Variants in PIK3R3 observed in about 807,000 individuals in gnomAD.
PIK3R3 encodes the protein phosphatidylinositol 3-kinase regulatory subunit gamma.
Under a neutral mutation model 62.9 loss-of-function variants are expected in PIK3R3, and 64 were observed. The observed-to-expected ratio is 1.02, with a 90% CI of 0.83 to 1.25. The LOEUF (loss-of-function observed/expected upper bound fraction) is 1.25. Among genes scored for constraint, PIK3R3 ranks in the 50% most tolerant of loss-of-function variants. The pLI, the probability that PIK3R3 is intolerant of heterozygous loss-of-function variation, is 0.00. For synonymous variants in PIK3R3, 165 were observed against 189.0 expected (o/e 0.87, Z 1.04); for missense variants, 614 against 561.6 (o/e 1.09, Z -0.94).
chr1:46,141,669 G>C, the PIK3R3 span, among the ~76,000 whole-genome samples: 1 of 152,176 alleles, frequency 6.6e-6, no homozygotes, highest in African/African-American at 2.4e-5. Context: ...TAAATATAGT[G>C]CTCAAACCTA....
chr1:46,160,142 A>G, the PIK3R3 span, among the ~76,000 whole-genome samples: 2 of 152,258 alleles, frequency 1.3e-5, no homozygotes, highest in East Asian at 3.9e-4. Flanking sequence ...CATGGGGATA[A>G]TTTATTTAGT....
At chr1:46,093,109 C>A (rs1651795938) in intron 1 of PIK3R3, among the ~76,000 whole-genome samples, 2 of 152,170 alleles carry the variant, frequency 1.3e-5, no homozygotes, top group South Asian at 4.1e-4. Context: ...CCTGAACCAG[C>A]CCTAAGTAAC....
intron 5 of PIK3R3, among the ~76,000 whole-genome samples, chr1:46,064,539 T>A (rs2149394649): frequency 6.6e-6 from 1 of 152,274 alleles, no homozygotes; most frequent in East Asian, 1.9e-4. Flanking sequence ...AGATTCTGTC[T>A]CATAAAAATA....
the PIK3R3 span, among the ~76,000 whole-genome samples, chr1:46,170,457 G>C: frequency 6.6e-6 from 1 of 152,034 alleles, no homozygotes; most frequent in Non-Finnish European, 1.5e-5. Flanking sequence ...TCTAGCTCTC[G>C]TCCCCCAGGC....
chr1:46,158,555 C>T, the PIK3R3 span, among the ~76,000 whole-genome samples: 1 of 152,340 alleles, frequency 6.6e-6, no homozygotes, highest in East Asian at 1.9e-4. Flanking sequence ...ACAGTGGCTA[C>T]TAATGTACAG....
intron 1 of PIK3R3, among the ~76,000 whole-genome samples, chr1:46,087,718 G>A (rs1450286018): frequency 6.6e-6 from 1 of 151,124 alleles, no homozygotes; most frequent in Non-Finnish European, 1.5e-5. Flanking sequence ...ACAGGTGTGA[G>A]CCACTGCACC....
In PIK3R3 at chr1:46,132,578, G is replaced by A. The variant is rs1430522435; in HGVS notation, c.-626C>T. Reference sequence around the variant, plus strand: ...CAGCTCGGCTTGTCTGGGCGCTCCCGCCGGGGTGTAAGAACCAACCCGACC... The same window carrying A: ...CAGCTCGGCTTGTCTGGGCGCTCCCACCGGGGTGTAAGAACCAACCCGACC... On this transcript the variant is annotated 5_prime_UTR_variant, in exon 1 of 10. Coordinates refer to ENST00000262741, the MANE Select transcript of PIK3R3 (RefSeq NM_003629.4). The A allele has an allele frequency of 4.6e-5, 59 of 1,285,684 alleles. No individual in the cohort carries two copies. The South Asian group carries it at 6.6e-4, about 14-fold the overall frequency. The allele number at this position is 1,285,684 out of a possible 1,614,324, so 79.6% of individuals were successfully genotyped here. A position where few individuals can be genotyped will look rare whatever the true frequency, so the allele number is the denominator to read the frequency against.
At chr1:46,145,908 G>C in the PIK3R3 span, among the ~76,000 whole-genome samples, 1 of 152,142 alleles carries the variant, frequency 6.6e-6, no homozygotes, top group Non-Finnish European at 1.5e-5. Flanking sequence ...CAGGACTCAG[G>C]ATACTAAGCA....
chr1:46,079,095 T>C (rs569137090), intron 2 of PIK3R3, among the ~76,000 whole-genome samples: 1 of 94,450 alleles, frequency 1.1e-5, no homozygotes, highest in Non-Finnish European at 2.4e-5. Flanking sequence ...ATAGTTGAAA[T>C]CGTAAGGGTA....
chr1:46,046,522 T>C (rs1391912747), intron 8 of PIK3R3, 29 bp downstream of exon 8: 1 of 1,461,666 alleles, frequency 6.8e-7, no homozygotes. Flanking sequence ...AACAAAGCCC[T>C]CTGACAGAAA....
At position 46,109,870 on chromosome 1, in the gene PIK3R3, C is replaced by T. The variant is rs763384215; in HGVS notation, c.106+21977G>A. On this transcript the variant is annotated intron_variant, in intron 1 of 9. Transcript: ENST00000262741. ...TTAGCACACTATGTTTCAAGAGTTC[C>T]ACCACCACATACAGGATAAAGTTCA... is the stretch of plus-strand genomic sequence containing the variant. Among the ~76,000 whole-genome samples the T allele has an allele frequency of 2.8e-4, 42 of 152,222 alleles. 1 individual carries two copies. In the Middle Eastern group the frequency reaches 0.034, roughly 123 times the overall value.
At chr1:46,091,419 G>T (rs924682364) in intron 1 of PIK3R3, among the ~76,000 whole-genome samples, 1 of 151,920 alleles carries the variant, frequency 6.6e-6, no homozygotes, top group Non-Finnish European at 1.5e-5. Flanking sequence ...GGGATTACAG[G>T]TATGAGCCAC....
chr1:46,114,521 C>T (rs1654007732), intron 1 of PIK3R3, among the ~76,000 whole-genome samples: 1 of 152,104 alleles, frequency 6.6e-6, no homozygotes, highest in African/African-American at 2.4e-5. Flanking sequence ...CATCTGGGAA[C>T]GTGTTACAAA....
At chr1:46,158,900 AT>A in the PIK3R3 span, among the ~76,000 whole-genome samples, 2 of 152,028 alleles carry the variant, frequency 1.3e-5, no homozygotes, top group Non-Finnish European at 1.5e-5. Flanking sequence ...AGCCTAACCA[AT>A]ATGGTGACAC....
At chr1:46,073,768 T>G (rs1256685359) in intron 3 of PIK3R3, among the ~76,000 whole-genome samples, 1 of 149,916 alleles carries the variant, frequency 6.7e-6, no homozygotes, top group East Asian at 2.0e-4. Flanking sequence ...CATAGGCGCA[T>G]GCCACCACAT....
chr1:46,067,093 T>C lies in PIK3R3; in HGVS notation c.315-2A>G, dbSNP rs1649069348. ...ATTAACTTATTATTGCCTCCCTTCC[T>C]GTGAACAACAAGACAACAACTGTGG... is the stretch of plus-strand genomic sequence containing the variant. On this transcript the variant is annotated splice_acceptor_variant, in intron 3 of 9. Coordinates refer to ENST00000262741, the MANE Select transcript of PIK3R3 (RefSeq NM_003629.4). LOFTEE classifies it high-confidence loss of function. 1.3e-6 allele frequency: 2 copies of C among 1,549,488 alleles called. No homozygotes were observed. The highest frequency in any genetic ancestry group is 1.7e-6 in the Non-Finnish European group (2 of 1,150,548).
the PIK3R3 span, among the ~76,000 whole-genome samples, chr1:46,145,524 G>A: frequency 6.6e-6 from 1 of 152,286 alleles, no homozygotes; most frequent in East Asian, 1.9e-4. Flanking sequence ...CACATGGTGA[G>A]AGAGGACACA....
chr1:46,137,503 C>T (rs746773359), upstream of PIK3R3, among the ~76,000 whole-genome samples: 1 of 152,218 alleles, frequency 6.6e-6, no homozygotes, highest in African/African-American at 2.4e-5. Context: ...TCTCAGTTTT[C>T]GCAATTCACA....
chr1:46,111,436 C>T (rs946958540), intron 1 of PIK3R3, among the ~76,000 whole-genome samples: 1 of 151,968 alleles, frequency 6.6e-6, no homozygotes, highest in African/African-American at 2.4e-5. Context: ...TAGAAAAGGG[C>T]ATGTTTTAGG....
Sources: gnomAD v4.1 joint callset for allele counts (sites outside exome capture counted in the v4.1 genomes callset) on GRCh38, gnomAD v4.1.1 for gene constraint, MANE v1.5 for transcripts, NCBI Gene and HGNC (gene_info 2026-07-23, HGNC 2026-07-21) for gene names.